TTN: variants seen among roughly 807,000 people sequenced by gnomAD.
TTN encodes titin, also known as connectin.
In TTN, 1,525 loss-of-function variants were observed where a neutral mutation model predicts 3,223.0. That is an observed-to-expected ratio of 0.47 (90% confidence interval 0.45 to 0.49). The LOEUF (loss-of-function observed/expected upper bound fraction) is 0.49. Among genes scored for constraint, TTN ranks in the 20% least tolerant of loss-of-function variants. TTN has a pLI of 0.00. For synonymous variants in TTN, 14,094 were observed against 15,161.0 expected (o/e 0.93, Z 5.17); for missense variants, 40,786 against 43,424.0 (o/e 0.94, Z 5.40).
At chr2:178,642,161 A>G in intron 219 of TTN, 76 bp downstream of exon 219, 1 of 1,287,058 alleles carries the variant, frequency 7.8e-7, no homozygotes. Flanking sequence ...ACCAAAGGAC[A>G]GAAACATTTT....
chr2:178,577,306 G>A lies in TTN; in HGVS notation c.69029C>T (p.Ala23010Val), dbSNP rs1575830557. The part of the protein sequence containing the change: ...PTSSMLTIKY[A>V]TRKDAGEYTI... Reference sequence around the variant, plus strand: ...ATATTCACCCGCATCTTTTCTAGTGGCATACTTGATAGTAAGCATGGAAGA... The same window carrying A: ...ATATTCACCCGCATCTTTTCTAGTGACATACTTGATAGTAAGCATGGAAGA... Residue 23010 changes from alanine (A) to valine (V), a missense_variant, in exon 324 of 363, where the codon GCC becomes GTC. Ala to Val is a moderately conservative substitution (Grantham distance 64). Coordinates refer to ENST00000589042, the MANE Select transcript of TTN (RefSeq NM_001267550.2). 1 of 1,612,674 alleles carries A rather than the reference G, an allele frequency of 6.2e-7. No homozygotes were observed. Among genetic ancestry groups the A allele is most frequent in the Non-Finnish European group, 8.5e-7 (1 of 1,179,414 alleles).
Position 178,572,578 on chromosome 2 carries a change from A to G in TTN, c.73554T>C (p.Asp24518=), listed in dbSNP as rs755323848. 1.2e-6 allele frequency: 2 copies of G among 1,613,444 alleles called. No homozygotes were observed. Among genetic ancestry groups the G allele is most frequent in the Non-Finnish European group, 8.5e-7 (1 of 1,179,620 alleles). Residue 24518 remains aspartate (D), a synonymous_variant, in exon 326 of 363, where the codon GAT becomes GAC. Coordinates refer to ENST00000589042, the MANE Select transcript of TTN (RefSeq NM_001267550.2). Reference sequence around the variant, plus strand: ...TCAGATCCTGTGGGGGGCCTGGTGTATCGAGAACTCTAACATTGACAAATG... The same window carrying G: ...TCAGATCCTGTGGGGGGCCTGGTGTGTCGAGAACTCTAACATTGACAAATG... ...KSAFVNVRVL[D]TPGPPQDLKV...
In TTN at chr2:178,613,920, T is replaced by C. The variant is rs374543277; in HGVS notation, c.49363A>G (p.Thr16455Ala). ...KYQFDPPGPP[T>A]RLEPSDITKD... ...GTGATATCAGAAGGTTCTAGGCGAG[T>C]TGGAGGACCAGGTGGATCTATAGAC... Residue 16455 changes from threonine (T) to alanine (A), a missense_variant, in exon 263 of 363, where the codon ACT becomes GCT. By Grantham distance (58) the Thr-to-Ala change is moderately conservative (BLOSUM62 0). Transcript: ENST00000589042. 178 of 1,607,888 alleles carry C rather than the reference T, an allele frequency of 1.1e-4. No homozygotes were observed. Among genetic ancestry groups the C allele is most frequent in the Non-Finnish European group, 1.5e-4 (171 of 1,176,892 alleles).
rs72648988 is a variant in TTN at position 178,714,894 on chromosome 2, C to T, written c.26200+92G>A. 3.0e-3 allele frequency: 4,381 copies of T among 1,469,838 alleles called. 11 individuals are homozygous for T. The highest frequency in any genetic ancestry group is 3.7e-3 in the Non-Finnish European group (4,066 of 1,091,396). 91.0% of individuals were successfully genotyped at this position (1,469,838 alleles called of 1,614,324 possible). A position where few individuals can be genotyped will look rare whatever the true frequency, so the allele number is the denominator to read the frequency against. On this transcript the variant is annotated intron_variant, in intron 90 of 362. Coordinates refer to ENST00000589042, the MANE Select transcript of TTN (RefSeq NM_001267550.2). The stretch of plus-strand genomic sequence containing the variant: ...AACAAAGGGAAAGTGGAATAGGCTG[C>T]TAGTGATAAGACTGGGCTGGGGTGG...
rs896539539 is a variant in TTN at position 178,561,194 on chromosome 2, T to C, written c.84938A>G (p.Glu28313Gly). ...NYTNIQETYF[E>G]VTELTEDQRY... ...CTGATCTTCAGTAAGTTCAGTTACTTCAAAGTATGTTTCTTGTATATTAGT... is the reference window on the plus strand; with the variant it reads ...CTGATCTTCAGTAAGTTCAGTTACTCCAAAGTATGTTTCTTGTATATTAGT... Residue 28313 changes from glutamate to glycine, a missense_variant, in exon 326 of 363, where the codon GAA becomes GGA. Glu to Gly is a moderately conservative substitution (Grantham distance 98). Coordinates refer to ENST00000589042, the MANE Select transcript of TTN (RefSeq NM_001267550.2). The C allele has an allele frequency of 6.2e-7, 1 of 1,613,566 alleles. No homozygotes were observed. Among genetic ancestry groups the C allele is most frequent in the Non-Finnish European group, 8.5e-7 (1 of 1,179,768 alleles).
intron 139 of TTN, 81 bp downstream of exon 139, chr2:178,680,173 A>G: frequency 6.3e-7 from 1 of 1,583,288 alleles, no homozygotes; most frequent in Non-Finnish European, 8.6e-7. Context: ...TTTCCCACAA[A>G]AGAAGTTTTC....
Position 178,531,454 on chromosome 2 carries a change from G to A in TTN, c.105161C>T (p.Pro35054Leu). Residue 35054 changes from proline (P) to leucine (L), a missense_variant, in exon 358 of 363, where the codon CCT (proline) becomes CTT (leucine). Transcript: ENST00000589042. ...ATACGCCTCTGTTCTTGTCAGCTCA[G>A]GGAAAACAGATCTGGGGACCTCTTC... Reference protein sequence around the residue: ...RDEEVPRSVFPELTRTEAYAV... With the variant: ...RDEEVPRSVFLELTRTEAYAV... 2 of 1,613,892 alleles carry A rather than the reference G, an allele frequency of 1.2e-6. No individual in the cohort carries two copies. The highest frequency in any genetic ancestry group is 1.7e-6 in the Non-Finnish European group (2 of 1,179,874).
chr2:178,560,527 C>T lies in TTN; in HGVS notation c.85605G>A (p.Glu28535=). Reference sequence around the variant, plus strand: ...CCTTTATAGCTACACTCTCTAGGGGCTCACCAACACCATATTTATTAACAC... The same window carrying T: ...CCTTTATAGCTACACTCTCTAGGGGTTCACCAACACCATATTTATTAACAC... The part of the protein sequence containing the change: ...VTGVNKYGVG[E]PLESVAIKAL... Residue 28535 remains glutamate (E), a synonymous_variant, in exon 326 of 363, where the codon GAG becomes GAA. Transcript: ENST00000589042. The T allele has an allele frequency of 6.2e-7, 1 of 1,613,150 alleles. No homozygotes were observed. Among genetic ancestry groups the T allele is most frequent in the South Asian group, 1.1e-5 (1 of 91,018 alleles).
chr2:178,667,181 C>T, intron 162 of TTN, 55 bp downstream of exon 162: 1 of 1,397,354 alleles, frequency 7.2e-7, no homozygotes, highest in South Asian at 1.3e-5. Flanking sequence ...AAATATTTTG[C>T]AGACTGAAGA....
intron 115 of TTN, among the ~76,000 whole-genome samples, chr2:178,695,140 T>G (rs887190262): frequency 3.9e-5 from 6 of 151,974 alleles, no homozygotes; most frequent in Admixed American, 2.6e-4. Flanking sequence ...TGGTTATATT[T>G]AAGTTTACCA....
intron 30 of TTN, 43 bp downstream of exon 30, chr2:178,774,164 A>G (rs377308015): frequency 4.3e-6 from 7 of 1,614,162 alleles, no homozygotes; most frequent in South Asian, 3.3e-5. Flanking sequence ...TCAATAAACC[A>G]TAATGATGCT....
At chr2:178,701,944 G>A (rs1000112949) in intron 109 of TTN, 96 bp downstream of exon 109, 10 of 1,210,098 alleles carry the variant, frequency 8.3e-6, no homozygotes, top group Non-Finnish European at 1.2e-5. Context: ...ACCCAAAAGA[G>A]AAAGATATCT....
chr2:178,620,046 C>G lies in TTN; in HGVS notation c.46371G>C (p.Glu15457Asp), dbSNP rs764100235. 1.9e-6 allele frequency: 3 copies of G among 1,611,880 alleles called. No homozygotes were observed. The highest frequency in any genetic ancestry group is 2.5e-6 in the Non-Finnish European group (3 of 1,178,830). Reference protein sequence around the residue: ...LIIKDCRLDDECEYACGVEDR... With the variant: ...LIIKDCRLDDDCEYACGVEDR... Reference sequence around the variant, plus strand: ...CTTCTACCCCGCAAGCATATTCACACTCATCATCCAGCCTGCAATCTTTTA... The same window carrying G: ...CTTCTACCCCGCAAGCATATTCACAGTCATCATCCAGCCTGCAATCTTTTA... The change falls in exon 249 of 363, where the codon GAG becomes GAC. Residue 15457 changes from glutamate (E) to aspartate (D), a missense_variant. Coordinates refer to ENST00000589042, the MANE Select transcript of TTN (RefSeq NM_001267550.2).
chr2:178,702,074 A>T lies in TTN; in HGVS notation c.30512-8T>A. The T allele has an allele frequency of 1.9e-6, 3 of 1,606,458 alleles. No homozygotes were observed. The highest frequency in any genetic ancestry group is 2.5e-6 in the Non-Finnish European group (3 of 1,178,172). On this transcript the variant is annotated splice_polypyrimidine_tract_variant and splice_region_variant and intron_variant, in intron 108 of 362. Coordinates refer to ENST00000589042, the MANE Select transcript of TTN (RefSeq NM_001267550.2). ...TCAGCTCAAGTTTGATTTCTGCAAAATAAAAAAAAAATGATATTTTTGTGT... is the reference window on the plus strand; with the variant it reads ...TCAGCTCAAGTTTGATTTCTGCAAATTAAAAAAAAAATGATATTTTTGTGT...
Position 178,545,949 on chromosome 2 carries a change from G to A in TTN, c.95287C>T (p.Pro31763Ser). 6.2e-7 allele frequency: 1 copy of A among 1,613,824 alleles called. No individual in the cohort carries two copies. The highest frequency in any genetic ancestry group is 8.5e-7 in the Non-Finnish European group (1 of 1,179,782). Residue 31763 changes from proline to serine, a missense_variant, in exon 343 of 363, where the codon CCA (proline) becomes TCA (serine). By Grantham distance (74) the Pro-to-Ser change is moderately conservative. Coordinates refer to ENST00000589042, the MANE Select transcript of TTN (RefSeq NM_001267550.2). ...LNWVIVEGECPTLSYVVTRLI... is the reference protein window; with the variant it reads ...LNWVIVEGECSTLSYVVTRLI... ...CTGGTAACGACATAGGATAGGGTTG[G>A]GCATTCGCCTTCAACAATCACCCAG...
Position 178,616,730 on chromosome 2 carries a change from A to G in TTN, c.48159T>C (p.Ile16053=), listed in dbSNP as rs373317203. Residue 16053 remains isoleucine, a splice_region_variant and synonymous_variant, in exon 256 of 363, where the codon ATT becomes ATC. Transcript: ENST00000589042. The part of the protein sequence containing the change: ...TISGEIDVNV[I]ARPSAPKELK... ...GATGATAAATGTTTTGTTCCTTACC[A>G]ATTACATTGACATCAATTTCCCCAG... 1.2e-6 allele frequency: 2 copies of G among 1,612,486 alleles called. No homozygotes were observed. Among genetic ancestry groups the G allele is most frequent in the East Asian group, 4.5e-5 (2 of 44,748 alleles).
Position 178,786,267 on chromosome 2 carries a change from T to C in TTN, c.2077-126A>G, listed in dbSNP as rs1043681346. 3.1e-6 allele frequency: 3 copies of C among 976,372 alleles called. No homozygotes were observed. In the African/African-American group the frequency reaches 4.9e-5, roughly 16 times the overall value. The allele number at this position is 976,372 out of a possible 1,614,324, so 60.5% of individuals were successfully genotyped here. ...CAGTGTTAACGTGTCTAGAAATGTA[T>C]CTCAGAAACACTTTTAGGGACTATT... On this transcript the variant is annotated intron_variant, in intron 13 of 362. Transcript: ENST00000589042.
At position 178,567,052 on chromosome 2, in the gene TTN, A is replaced by G. The variant is rs1559357635; in HGVS notation, c.79080T>C (p.Arg26360=). 6.2e-7 allele frequency: 1 copy of G among 1,613,602 alleles called. No individual in the cohort carries two copies. The highest frequency in any genetic ancestry group is 8.5e-7 in the Non-Finnish European group (1 of 1,179,630). The part of the protein sequence containing the change: ...KLLEGNEYVF[R]IMAVNKYGVG... ...CACCATATTTGTTGACAGCCATTAT[A>G]CGGAAAACATATTCATTACCTTCTA... The change falls in exon 326 of 363, where the codon CGT becomes CGC. Residue 26360 remains arginine (R), a synonymous_variant. Coordinates refer to ENST00000589042, the MANE Select transcript of TTN (RefSeq NM_001267550.2).
chr2:178,566,675 AACACAGGATC>A lies in TTN; in HGVS notation c.79447_79456del (p.Asp26483SerfsTer12). The A allele has an allele frequency of 6.2e-7, 1 of 1,613,296 alleles. No individual in the cohort carries two copies. Among genetic ancestry groups the A allele is most frequent in the Non-Finnish European group, 8.5e-7 (1 of 1,179,692 alleles). On this transcript the variant is annotated frameshift_variant, in exon 326 of 363. Coordinates refer to ENST00000589042, the MANE Select transcript of TTN (RefSeq NM_001267550.2). LOFTEE classifies it high-confidence loss of function. ...TGCATTGGTAGGTGGGCCAGGTTTG[AACACAGGATC>A]ACAGGCTTTATAATAAACTGTAGCT...
Sources: allele counts gnomAD v4.1 joint callset (sites outside exome capture counted in the v4.1 genomes callset), GRCh38; gene constraint gnomAD v4.1.1; transcripts MANE v1.5; gene names NCBI Gene and HGNC (gene_info 2026-07-23, HGNC 2026-07-21).